Variants in ODAD2 observed in about 807,000 individuals in gnomAD.
ODAD2 encodes the protein outer dynein arm-docking complex subunit 2.
A neutral mutation model predicts 106.8 loss-of-function variants in ODAD2; 89 were observed. That is an observed-to-expected ratio of 0.83 (90% CI 0.70 to 0.99). ODAD2 has a LOEUF of 0.99. Ranked by LOEUF, ODAD2 falls within the 50% of genes least tolerant of loss-of-function variation. The probability of loss-of-function intolerance (pLI) is 0.00; values close to 1 mark genes in which losing one functional copy is unlikely to be tolerated. For synonymous variants in ODAD2, 404 were observed against 436.2 expected (o/e 0.93, Z 0.92); for missense variants, 1,168 against 1,238.5 (o/e 0.94, Z 0.85).
chr10:27,837,752 T>C (rs1180661577), intron 19 of ODAD2, among the ~76,000 whole-genome samples: 2 of 152,208 alleles, frequency 1.3e-5, no homozygotes, highest in Admixed American at 6.5e-5. Flanking sequence ...GAATCAAGTG[T>C]TTATTCCCAC....
intron 10 of ODAD2, among the ~76,000 whole-genome samples, chr10:27,952,946 T>C (rs1010367057): frequency 2.6e-5 from 4 of 152,222 alleles, no homozygotes; most frequent in Non-Finnish European, 4.4e-5. Context: ...GCAAGTCTTC[T>C]CAAACTGTAG....
intron 1 of ODAD2, among the ~76,000 whole-genome samples, 173 bp downstream of exon 1, chr10:27,998,821 C>T (rs564073801): frequency 2.6e-5 from 4 of 152,112 alleles, no homozygotes; most frequent in Admixed American, 6.5e-5. Flanking sequence ...CCCTGCCCCC[C>T]GCAGTCGGCG....
At position 27,891,228 on chromosome 10, in the gene ODAD2, C is replaced by T. The variant is rs142656895; in HGVS notation, c.2610+16435G>A. On this transcript the variant is annotated intron_variant, in intron 17 of 19. Transcript: ENST00000305242. ...GGCCTCATCCATACTCAGTCCTCAA[C>T]ATTCCTGGCTAAATTACCCAAGCAT... 2.0e-3 allele frequency among the ~76,000 whole-genome samples: 310 copies of T among 152,296 alleles called. 2 individuals carry two copies. The highest frequency in any genetic ancestry group is 5.0e-3 in the Admixed American group (76 of 15,286).
At chr10:27,924,617 A>C (rs1845116100) in intron 16 of ODAD2, among the ~76,000 whole-genome samples, 1 of 122,006 alleles carries the variant, frequency 8.2e-6, no homozygotes, top group Non-Finnish European at 1.8e-5. Context: ...TTAGGAGGAA[A>C]AAAAAAAAAA....
chr10:27,989,723 C>T (rs967869018), intron 2 of ODAD2, among the ~76,000 whole-genome samples: 1 of 152,164 alleles, frequency 6.6e-6, no homozygotes, highest in African/African-American at 2.4e-5. Context: ...GTGGCACGTG[C>T]TTTGGTCCCA....
intron 9 of ODAD2, 38 bp from the exon 10 acceptor site, chr10:27,961,753 T>G (rs1357714233): frequency 7.6e-6 from 12 of 1,587,200 alleles, no homozygotes; most frequent in Non-Finnish European, 1.0e-5. Context: ...ATGTAAGCTA[T>G]AGTGTGGAGA....
intron 17 of ODAD2, among the ~76,000 whole-genome samples, chr10:27,877,213 G>A (rs1327386119): frequency 6.6e-6 from 1 of 152,160 alleles, no homozygotes; most frequent in Non-Finnish European, 1.5e-5. Flanking sequence ...TGCTCCTCTG[G>A]AGTTGACCTC....
At chr10:27,907,584 G>T in intron 17 of ODAD2, 79 bp downstream of exon 17, 2 of 907,166 alleles carry the variant, frequency 2.2e-6, no homozygotes, top group Non-Finnish European at 3.4e-6. Flanking sequence ...TAAGTCAAAA[G>T]CAATTAGTAA....
chr10:27,827,320 C>G (rs1322188674), intron 19 of ODAD2, among the ~76,000 whole-genome samples: 1 of 150,782 alleles, frequency 6.6e-6, no homozygotes, highest in East Asian at 1.9e-4. Flanking sequence ...CTACTGCTCT[C>G]AAATCTGTGT....
chr10:27,851,410 A>G (rs947898585), intron 19 of ODAD2, among the ~76,000 whole-genome samples: 1 of 152,214 alleles, frequency 6.6e-6, no homozygotes, highest in Non-Finnish European at 1.5e-5. Context: ...TTAACATTCA[A>G]GGAATTGAAA....
chr10:27,863,478 C>G (rs760637098), intron 17 of ODAD2, among the ~76,000 whole-genome samples: 6 of 152,120 alleles, frequency 3.9e-5, no homozygotes, highest in Admixed American at 1.3e-4. Context: ...CAAGAATGAC[C>G]ATATTGAGTA....
chr10:27,921,744 A>G (rs1844795681), intron 16 of ODAD2, among the ~76,000 whole-genome samples: 1 of 152,100 alleles, frequency 6.6e-6, no homozygotes, highest in Non-Finnish European at 1.5e-5. Flanking sequence ...CCAAAAAAAA[A>G]AAAATCAAGT....
At chr10:27,897,168 C>T (rs1180998922) in intron 17 of ODAD2, among the ~76,000 whole-genome samples, 3 of 152,084 alleles carry the variant, frequency 2.0e-5, no homozygotes, top group Non-Finnish European at 4.4e-5. Flanking sequence ...TTCCCACCCG[C>T]CTGCCTTCTT....
In ODAD2 at chr10:27,944,260, G is replaced by T; in HGVS notation, c.1705C>A (p.Arg569=). Residue 569 remains arginine (R), a synonymous_variant, in exon 12 of 20, where the codon CGG becomes AGG. Transcript: ENST00000305242. ...IANVAKFKRA[R]RVVRQHGGIT... ...CCCCCGTGCTGCCTCACCACCCGCC[G>T]TGCTCTTTTAAACTTGGCAACATTC... 2 of 1,613,626 alleles carry T rather than the reference G, an allele frequency of 1.2e-6. No homozygotes were observed. Among genetic ancestry groups the T allele is most frequent in the Non-Finnish European group, 1.7e-6 (2 of 1,179,968 alleles).
In ODAD2 at chr10:27,981,527, T is replaced by C. The variant is rs1849543832; in HGVS notation, c.875A>G (p.Lys292Arg). 1.3e-6 allele frequency: 2 copies of C among 1,539,746 alleles called. No individual in the cohort carries two copies. The highest frequency in any genetic ancestry group is 2.9e-5 in the African/African-American group (2 of 69,666). The stretch of plus-strand genomic sequence containing the variant: ...TTCTCTTAAAAATGTGACAAGGTTT[T>C]TATAAATTGAACCTTTTCTCTCATA... Reference protein sequence around the residue: ...VNYERKGSIYKNLVTFLREKS... With the variant: ...VNYERKGSIYRNLVTFLREKS... The change falls in exon 7 of 20, where the codon AAA becomes AGA. Residue 292 changes from lysine (K) to arginine (R), a missense_variant. Physicochemically the swap from Lys to Arg is conservative, Grantham distance 26. This residue lies in a region of ODAD2 where 430 missense variants were observed against 452.2 expected (regional missense o/e 0.95). Transcript: ENST00000305242.
At chr10:27,856,178 C>T (rs1388799099) in intron 19 of ODAD2, among the ~76,000 whole-genome samples, 1 of 152,150 alleles carries the variant, frequency 6.6e-6, no homozygotes, top group African/African-American at 2.4e-5. Context: ...TGTAATGATA[C>T]AAATCCCTGG....
chr10:27,816,474 T>A (rs575436393), intron 19 of ODAD2, among the ~76,000 whole-genome samples: 2 of 152,210 alleles, frequency 1.3e-5, no homozygotes, highest in African/African-American at 4.8e-5. Flanking sequence ...AGGACTGTGA[T>A]TCATTTGAAC....
intron 16 of ODAD2, among the ~76,000 whole-genome samples, chr10:27,914,932 T>C (rs74889727): frequency 0.012 from 1,759 of 151,996 alleles, 37 homozygotes; most frequent in African/African-American, 0.04. Flanking sequence ...GTGACAGAGT[T>C]CAATGTCTGT....
chr10:27,978,979 G>A (rs1588651257), intron 7 of ODAD2, among the ~76,000 whole-genome samples: 1 of 152,008 alleles, frequency 6.6e-6, no homozygotes, highest in East Asian at 1.9e-4. Flanking sequence ...GGAGGCCGAG[G>A]CAAGCAGATT....
Sources: gnomAD v4.1 joint callset for allele counts (sites outside exome capture counted in the v4.1 genomes callset) on GRCh38, gnomAD v4.1.1 for gene constraint, gnomAD v4.1.1 regional missense constraint, MANE v1.5 for transcripts, NCBI Gene and HGNC (gene_info 2026-07-23, HGNC 2026-07-21) for gene names.